Variants in ALDH16A1 observed in about 807,000 individuals in gnomAD.
ALDH16A1 encodes aldehyde dehydrogenase 16 family member A1.
In ALDH16A1, 88 loss-of-function variants were observed where a neutral mutation model predicts 96.1. That is an observed-to-expected ratio of 0.92 (90% CI 0.77 to 1.09). The LOEUF is 1.09. Ranked by LOEUF, ALDH16A1 falls within the 50% of genes least tolerant of loss-of-function variation. The pLI is 0.00. For missense variants in ALDH16A1, 1,250 were observed against 1,112.6 expected (o/e 1.12, Z -1.76); for synonymous variants, 522 against 496.4 (o/e 1.05, Z -0.69).
chr19:49,454,049 G>C (rs2079091021), intron 1 of ALDH16A1, among the ~76,000 whole-genome samples: 1 of 33,054 alleles, frequency 3.0e-5, no homozygotes, highest in African/African-American at 8.7e-5. Context: ...TTTTGAGCCA[G>C]GGTCTCACTC....
intron 1 of ALDH16A1, among the ~76,000 whole-genome samples, chr19:49,454,110 C>T (rs2079091391): frequency 6.7e-6 from 1 of 150,112 alleles, no homozygotes; most frequent in African/African-American, 2.5e-5. Context: ...GCAGCCTCAA[C>T]CTCCTGGGCT....
In ALDH16A1 at chr19:49,459,734, C is replaced by T. The variant is rs375424147; in HGVS notation, c.385C>T (p.Arg129Trp). Residue 129 changes from arginine (R) to tryptophan (W), a missense_variant, in exon 4 of 17, where the codon CGG (arginine) becomes TGG (tryptophan). Coordinates refer to ENST00000293350, the MANE Select transcript of ALDH16A1 (RefSeq NM_153329.4). This position sits in a 1 kb window ranked among gnomAD's most constrained non-coding sequence, Gnocchi z 4.1. Reference sequence around the variant, plus strand: ...GACCCTGGAATCCCTGGTGACTGGGCGGGCTGTTCGAGAGGTTCGAGACGG... The same window carrying T: ...GACCCTGGAATCCCTGGTGACTGGGTGGGCTGTTCGAGAGGTTCGAGACGG... ...LWTLESLVTG[R>W]AVREVRDGDV... 3.3e-5 allele frequency: 53 copies of T among 1,613,428 alleles called. No individual in the cohort carries two copies. The highest frequency in any genetic ancestry group is 4.1e-5 in the Non-Finnish European group (48 of 1,179,854).
rs770180307 is a variant in ALDH16A1, at chr19:49,468,453, G to C, written c.2011G>C (p.Glu671Gln). The C allele has an allele frequency of 1.2e-6, 2 of 1,601,934 alleles. No homozygotes were observed. The highest frequency in any genetic ancestry group is 1.7e-5 in the Admixed American group (1 of 60,010). The change falls in exon 15 of 17, where the codon GAG (glutamate) becomes CAG (glutamine). Residue 671 changes from glutamate (E) to glutamine (Q), a missense_variant. Glu to Gln is a conservative substitution (Grantham distance 29). Transcript: ENST00000293350. The surrounding 1 kb of genome is among the most constrained non-coding windows in gnomAD (Gnocchi z 4.4). ...TGTGCTGGCTGTGGTGTGTCCGGAC[G>C]AGTGGCCCCTGCTTGCCTTCGTGTC... Reference protein sequence around the residue: ...LGVLAVVCPDEWPLLAFVSLL... With the variant: ...LGVLAVVCPDQWPLLAFVSLL...
intron 12 of ALDH16A1, 63 bp downstream of exon 12, chr19:49,464,825 T>C: frequency 6.2e-7 from 1 of 1,605,388 alleles, no homozygotes; most frequent in South Asian, 1.1e-5. Context: ...GATGCCTGTT[T>C]CCCCGTGGAC....
chr19:49,459,561 G>A lies in ALDH16A1; in HGVS notation c.321-109G>A. On this transcript the variant is annotated intron_variant, in intron 3 of 16. Transcript: ENST00000293350. The surrounding 1 kb of genome is among the most constrained non-coding windows in gnomAD (Gnocchi z 4.1). ...CCCTCTGCCCCAGGTAAATGGTGGG[G>A]ATGCCTCAGGGGCTCATGGGGATTG... 1 of 1,267,356 alleles carries A rather than the reference G, an allele frequency of 7.9e-7. No homozygotes were observed. Among genetic ancestry groups the A allele is most frequent in the South Asian group, 1.6e-5 (1 of 62,904 alleles). 78.5% of individuals were successfully genotyped at this position (1,267,356 alleles called of 1,614,324 possible). A position where few individuals can be genotyped will look rare whatever the true frequency, so the allele number is the denominator to read the frequency against.
intron 16 of ALDH16A1, 96 bp downstream of exon 16, chr19:49,469,082 T>C (rs1002814981): frequency 2.7e-6 from 4 of 1,492,526 alleles, no homozygotes; most frequent in Non-Finnish European, 1.8e-6. Context: ...AGAACTCCTG[T>C]TGGTAAGGGG....
chr19:49,453,781 A>AC (rs965675667), intron 1 of ALDH16A1, among the ~76,000 whole-genome samples: 4 of 151,930 alleles, frequency 2.6e-5, no homozygotes, highest in Admixed American at 2.6e-4. Flanking sequence ...GGCTCCAGTG[A>AC]CCCACAACCC....
chr19:49,459,228 T>C lies in ALDH16A1; in HGVS notation c.320+142T>C. ...GATTCCCAGTATGTGCTGGAGGCAGTCGTGGCTGAAACATGCATCCGTTGT... is the reference window on the plus strand; with the variant it reads ...GATTCCCAGTATGTGCTGGAGGCAGCCGTGGCTGAAACATGCATCCGTTGT... On this transcript the variant is annotated intron_variant, in intron 3 of 16. Transcript: ENST00000293350. This position sits in a 1 kb window ranked among gnomAD's most constrained non-coding sequence, Gnocchi z 4.1. 2 of 1,343,720 alleles carry C rather than the reference T, an allele frequency of 1.5e-6. No homozygotes were observed. Among genetic ancestry groups the C allele is most frequent in the South Asian group, 2.9e-5 (2 of 69,716 alleles). 83.2% of individuals were successfully genotyped at this position (1,343,720 alleles called of 1,614,324 possible).
chr19:49,468,589 C>G lies in ALDH16A1; in HGVS notation c.2124+23C>G, dbSNP rs757807226. 1 of 1,599,052 alleles carries G rather than the reference C, an allele frequency of 6.3e-7. No individual in the cohort carries two copies. Among genetic ancestry groups the G allele is most frequent in the African/African-American group, 1.3e-5 (1 of 74,932 alleles). ...CAGGTATAGCCCCCTGCCTTCCTGC[C>G]TCTCCTCCCCGTAGCCTCAGGGCAG... On this transcript the variant is annotated intron_variant, in intron 15 of 16. Transcript: ENST00000293350. The surrounding 1 kb of genome is among the most constrained non-coding windows in gnomAD (Gnocchi z 4.4).
chr19:49,461,898 T>C lies in ALDH16A1; in HGVS notation c.774T>C (p.Leu258=), dbSNP rs1422593870. Residue 258 remains leucine (L), a synonymous_variant, in exon 7 of 17, where the codon CTT becomes CTC. Transcript: ENST00000293350. ...FCGAPEEGRA[L]RRSLAGECAE... ...GGGGTCCCTAGGAAGGGCGTGCCCT[T>C]CGACGGAGCCTGGCGGGAGAGTGTG... 3 of 1,584,294 alleles carry C rather than the reference T, an allele frequency of 1.9e-6. No homozygotes were observed. The highest frequency in any genetic ancestry group is 2.3e-5 in the East Asian group (1 of 43,192).
chr19:49,454,032 T>TTTTTTTG (rs371687146), intron 1 of ALDH16A1, among the ~76,000 whole-genome samples: 9 of 61,764 alleles, frequency 1.5e-4, no homozygotes, highest in South Asian at 8.1e-4. Flanking sequence ...TTTTTTTTTG[T>TTTTTTTG]TTTTTTTTTT....
At position 49,459,574 on chromosome 19, in the gene ALDH16A1, C is replaced by G. The variant is rs1468013874; in HGVS notation, c.321-96C>G. 1 of 1,400,898 alleles carries G rather than the reference C, an allele frequency of 7.1e-7. No homozygotes were observed. Among genetic ancestry groups the G allele is most frequent in the African/African-American group, 1.5e-5 (1 of 68,464 alleles). The allele number at this position is 1,400,898 out of a possible 1,614,324, so 86.8% of individuals were successfully genotyped here. ...GTAAATGGTGGGGATGCCTCAGGGG[C>G]TCATGGGGATTGTAGTCCAGGTATA... On this transcript the variant is annotated intron_variant, in intron 3 of 16. Coordinates refer to ENST00000293350, the MANE Select transcript of ALDH16A1 (RefSeq NM_153329.4). The surrounding 1 kb of genome is among the most constrained non-coding windows in gnomAD (Gnocchi z 4.1).
At position 49,461,711 on chromosome 19, in the gene ALDH16A1, C is replaced by G; in HGVS notation, c.670C>G (p.Leu224Val). 1.2e-6 allele frequency: 2 copies of G among 1,610,116 alleles called. No individual in the cohort carries two copies. The highest frequency in any genetic ancestry group is 1.7e-6 in the Non-Finnish European group (2 of 1,178,294). The change falls in exon 6 of 17, where the codon CTG (leucine) becomes GTG (valine). Residue 224 changes from leucine to valine, a missense_variant. Physicochemically the swap from Leu to Val is conservative, Grantham distance 32. Transcript: ENST00000293350. ...GGAGCTGGGCCCCTTCCCGGGAATC[C>G]TGAATGTCCTCAGTGGCCCTGCGTC... The part of the protein sequence containing the change: ...AGELGPFPGI[L>V]NVLSGPASLV...
At position 49,460,872 on chromosome 19, in the gene ALDH16A1, T is replaced by C; in HGVS notation, c.550T>C (p.Trp184Arg). ...CACATTCTCCTTCCTTGAGATGATG[T>C]GGAGGATTTGCCCTGCCCTGGCTGT... ...PPTFSFLEMM[W>R]RICPALAVGC... The change falls in exon 5 of 17, where the codon TGG becomes CGG. Residue 184 changes from tryptophan to arginine, a missense_variant. Trp to Arg is a moderately radical substitution (Grantham distance 101). Transcript: ENST00000293350. 2 of 1,613,690 alleles carry C rather than the reference T, an allele frequency of 1.2e-6. No individual in the cohort carries two copies. Among genetic ancestry groups the C allele is most frequent in the Non-Finnish European group, 1.7e-6 (2 of 1,179,990 alleles).
chr19:49,453,659 A>T (rs2079086875), intron 1 of ALDH16A1, among the ~76,000 whole-genome samples: 1 of 151,064 alleles, frequency 6.6e-6, no homozygotes. Context: ...TTGATCCTGA[A>T]CTCCTCGTAG....
Position 49,459,203 on chromosome 19 carries a change from G to A in ALDH16A1, c.320+117G>A. 1.4e-6 allele frequency: 2 copies of A among 1,471,770 alleles called. No individual in the cohort carries two copies. Among genetic ancestry groups the A allele is most frequent in the South Asian group, 2.6e-5 (2 of 76,914 alleles). 91.2% of individuals were successfully genotyped at this position (1,471,770 alleles called of 1,614,324 possible). On this transcript the variant is annotated intron_variant, in intron 3 of 16. Coordinates refer to ENST00000293350, the MANE Select transcript of ALDH16A1 (RefSeq NM_153329.4). This position sits in a 1 kb window ranked among gnomAD's most constrained non-coding sequence, Gnocchi z 4.1. ...TGAATTAATTTGCAGCTAAGGCTCA[G>A]ATTCCCAGTATGTGCTGGAGGCAGT...
At chr19:49,454,020 G>GTTTTTT (rs3032838) in intron 1 of ALDH16A1, among the ~76,000 whole-genome samples, 10 of 68,252 alleles carry the variant, frequency 1.5e-4, no homozygotes, top group South Asian at 4.5e-4. Context: ...TTTGGGTTGG[G>GTTTTTT]TTTTTTTTTT....
intron 6 of ALDH16A1, 39 bp from the exon 7 acceptor site, chr19:49,461,845 C>G: frequency 6.3e-7 from 1 of 1,599,182 alleles, no homozygotes; most frequent in Non-Finnish European, 8.5e-7. Flanking sequence ...CTGGGGGCCG[C>G]AAGGCTCCTC....
intron 5 of ALDH16A1, 106 bp downstream of exon 5, chr19:49,461,005 C>A: frequency 8.0e-7 from 1 of 1,252,354 alleles, no homozygotes; most frequent in Non-Finnish European, 1.2e-6. Flanking sequence ...GGCCTGGACT[C>A]TGTGGAAGGA....
Sources: allele counts gnomAD v4.1 joint callset (sites outside exome capture counted in the v4.1 genomes callset), GRCh38; gene constraint gnomAD v4.1.1; non-coding constraint Gnocchi (gnomAD v3.1); transcripts MANE v1.5; gene names NCBI Gene and HGNC (gene_info 2026-07-23, HGNC 2026-07-21).